The following KMT2A variants were observed in gnomAD, a reference collection of about 807,000 sequenced individuals.
KMT2A encodes the protein lysine methyltransferase 2A, also known as histone-lysine N-methyltransferase 2A.
KMT2A carries 16 observed loss-of-function variants against 345.3 expected under a neutral mutation model. The ratio of observed to expected loss-of-function variants is 0.05; its 90% CI spans 0.03 to 0.07. The LOEUF is 0.07. KMT2A is among the 10% of genes least tolerant of loss of function. KMT2A has a pLI of 1.00. For synonymous variants in KMT2A, 1,599 were observed against 1,778.6 expected, an observed-to-expected ratio of 0.90 and a Z score of 2.54; for missense variants, 3,272 against 4,841.6, an observed-to-expected ratio of 0.68 and a Z score of 9.62.
In KMT2A at chr11:118,498,648, A is replaced by C; in HGVS notation, c.5961+120A>C. On this transcript the variant is annotated intron_variant, in intron 22 of 35. Coordinates refer to ENST00000534358, the MANE Select transcript of KMT2A (RefSeq NM_001197104.2). This position sits in a 1 kb window ranked among gnomAD's most constrained non-coding sequence, Gnocchi z 4.4. ...TCCCATATGCCCCCTGCACCCACAT[A>C]TGCACAGCCTCCCCCATGATCAGCA... 1.1e-6 allele frequency: 1 copy of C among 926,234 alleles called. No homozygotes were observed. The highest frequency in any genetic ancestry group is 1.7e-5 in the African/African-American group (1 of 59,982). 57.4% of individuals were successfully genotyped at this position (926,234 alleles called of 1,614,324 possible). A position where few individuals can be genotyped will look rare whatever the true frequency, so the allele number is the denominator to read the frequency against.
rs1394164693 is a variant in KMT2A, at chr11:118,504,936, T to C, written c.9044T>C (p.Val3015Ala). The change falls in exon 27 of 36, where the codon GTA becomes GCA. Residue 3015 changes from valine (V) to alanine (A), a missense_variant. Val to Ala is a moderately conservative substitution (Grantham distance 64). Coordinates refer to ENST00000534358, the MANE Select transcript of KMT2A (RefSeq NM_001197104.2). The surrounding 1 kb of genome is among the most constrained non-coding windows in gnomAD (Gnocchi z 6.4). ...DHISSPPCGS[V>A]EQGHGNNQDL... ...ATCTCTAGCCCTCCTTGTGGTTCAGTAGAGCAAGGTCATGGCAACAATCAG... is the reference window on the plus strand; with the variant it reads ...ATCTCTAGCCCTCCTTGTGGTTCAGCAGAGCAAGGTCATGGCAACAATCAG... 4 of 1,614,066 alleles carry C rather than the reference T, an allele frequency of 2.5e-6. No individual in the cohort carries two copies. The highest frequency in any genetic ancestry group is 3.4e-6 in the Non-Finnish European group (4 of 1,180,044).
Position 118,508,069 on chromosome 11 carries a change from A to C in KMT2A, c.10835+460A>C, listed in dbSNP as rs114103497. ...CAGGCTTGTAAACAAGTAAACAAAA[A>C]ATATAACAAGAATTATTTAAATAAT... On this transcript the variant is annotated intron_variant, in intron 28 of 35. Coordinates refer to ENST00000534358, the MANE Select transcript of KMT2A (RefSeq NM_001197104.2). 6.8e-3 allele frequency among the ~76,000 whole-genome samples: 1,036 copies of C among 152,386 alleles called. 8 individuals carry two copies. The highest frequency in any genetic ancestry group is 0.024 in the African/African-American group (997 of 41,602).
At position 118,498,981 on chromosome 11, in the gene KMT2A, A is replaced by G. The variant is rs1303145689; in HGVS notation, c.5962-322A>G. 1.3e-5 allele frequency among the ~76,000 whole-genome samples: 2 copies of G among 152,244 alleles called. No individual in the cohort carries two copies. The highest frequency in any genetic ancestry group is 2.4e-5 in the African/African-American group (1 of 41,462). On this transcript the variant is annotated intron_variant, in intron 22 of 35. Coordinates refer to ENST00000534358, the MANE Select transcript of KMT2A (RefSeq NM_001197104.2). The surrounding 1 kb of genome is among the most constrained non-coding windows in gnomAD (Gnocchi z 4.4). ...TTTCACATAGTTGGAATCATATAGT[A>G]CATAGCCTTTTCAGACTGGCTTCTT...
intron 31 of KMT2A, 103 bp downstream of exon 31, chr11:118,512,128 T>G: frequency 1.0e-6 from 1 of 976,180 alleles, no homozygotes; most frequent in Middle Eastern, 2.1e-4. Context: ...GTTAAAAATT[T>G]TTTTCACAGC....
chr11:118,436,584 C>A lies in KMT2A; in HGVS notation c.72C>A (p.Arg24=). 1 of 1,180,326 alleles carries A rather than the reference C, an allele frequency of 8.5e-7. No homozygotes were observed. The highest frequency in any genetic ancestry group is 1.6e-5 in the African/African-American group (1 of 62,280). 73.1% of individuals were successfully genotyped at this position (1,180,326 alleles called of 1,614,324 possible). A position where few individuals can be genotyped will look rare whatever the true frequency, so the allele number is the denominator to read the frequency against. ...CCGGGGGCGGCGGCGGCGGGGGGCG[C>A]CGGGGCCTAGGGGGCGCCCCGCGGC... ...GTTGGGGGGG[R]RGLGGAPRQR... Residue 24 remains arginine, a synonymous_variant, in exon 1 of 36, where the codon CGC becomes CGA. Coordinates refer to ENST00000534358, the MANE Select transcript of KMT2A (RefSeq NM_001197104.2). The surrounding 1 kb of genome is among the most constrained non-coding windows in gnomAD (Gnocchi z 6.9).
At chr11:118,474,759 G>A (rs548180145) in intron 3 of KMT2A, among the ~76,000 whole-genome samples, 4 of 152,152 alleles carry the variant, frequency 2.6e-5, no homozygotes, top group Non-Finnish European at 4.4e-5. Flanking sequence ...ATAGAAAACC[G>A]GAGGGGAGCA....
At chr11:118,501,572 T>G in intron 25 of KMT2A, 100 bp from the exon 26 acceptor site, 1 of 983,630 alleles carries the variant, frequency 1.0e-6, no homozygotes. Context: ...CTCATTTGCT[T>G]CTAGTTTTAC....
chr11:118,460,255 T>C (rs1949720838), intron 1 of KMT2A, among the ~76,000 whole-genome samples: 1 of 152,202 alleles, frequency 6.6e-6, no homozygotes, highest in Non-Finnish European at 1.5e-5. Flanking sequence ...TGAATATTTC[T>C]CCATGAACCA....
rs1555054917 is a variant in KMT2A at position 118,524,724 on chromosome 11, C to T, written c.*2552C>T. 3 of 177,634 alleles carry T rather than the reference C, an allele frequency of 1.7e-5. No individual in the cohort carries two copies. Among genetic ancestry groups the T allele is most frequent in the Non-Finnish European group, 3.6e-5 (3 of 82,988 alleles). 11.0% of individuals were successfully genotyped at this position (177,634 alleles called of 1,614,324 possible). On this transcript the variant is annotated 3_prime_UTR_variant, in exon 36 of 36. Coordinates refer to ENST00000534358, the MANE Select transcript of KMT2A (RefSeq NM_001197104.2). ...TTTTTTTTAAAGAAAAAAAAAAAAC[C>T]TTAAGCTGCATTTGTTACTGAAATG...
chr11:118,502,717 T>C lies in KMT2A; in HGVS notation c.6825T>C (p.Thr2275=), dbSNP rs782526007. ...CAAATTTGCAAAGGACAGTGGTTAC[T>C]GTAGGCAATAAAAACAGTCACTTGG... ...TSSNLQRTVV[T]VGNKNSHLDG... Residue 2275 remains threonine, a synonymous_variant, in exon 27 of 36, where the codon ACT becomes ACC. Transcript: ENST00000534358. This position sits in a 1 kb window ranked among gnomAD's most constrained non-coding sequence, Gnocchi z 4.9. 2 of 1,614,186 alleles carry C rather than the reference T, an allele frequency of 1.2e-6. No homozygotes were observed. Among genetic ancestry groups the C allele is most frequent in the Non-Finnish European group, 1.7e-6 (2 of 1,180,042 alleles).
At position 118,476,975 on chromosome 11, in the gene KMT2A, G is replaced by A; in HGVS notation, c.3327G>A (p.Gly1109=). 1 of 1,614,124 alleles carries A rather than the reference G, an allele frequency of 6.2e-7. No homozygotes were observed. Among genetic ancestry groups the A allele is most frequent in the Non-Finnish European group, 8.5e-7 (1 of 1,180,008 alleles). The part of the protein sequence containing the change: ...EEREKILSSM[G]NDDKSSIAGS... ...GAGAAAAGATTTTGTCTTCCATGGGGAATGATGGTAGGTCAAGAAGGTCAA... is the reference window on the plus strand; with the variant it reads ...GAGAAAAGATTTTGTCTTCCATGGGAAATGATGGTAGGTCAAGAAGGTCAA... The change falls in exon 4 of 36, where the codon GGG becomes GGA. Residue 1109 remains glycine, a synonymous_variant. Transcript: ENST00000534358. This position sits in a 1 kb window ranked among gnomAD's most constrained non-coding sequence, Gnocchi z 4.1.
At chr11:118,453,904 A>C (rs11216872) in intron 1 of KMT2A, among the ~76,000 whole-genome samples, 1 of 152,146 alleles carries the variant, frequency 6.6e-6, no homozygotes, top group African/African-American at 2.4e-5. Flanking sequence ...TTCCATTCCC[A>C]GTCTCTTTGT....
intron 1 of KMT2A, among the ~76,000 whole-genome samples, chr11:118,464,941 A>C (rs1332734211): frequency 6.6e-6 from 1 of 152,238 alleles, no homozygotes; most frequent in African/African-American, 2.4e-5. Context: ...CTTTAGTAGA[A>C]AAATGCCCAG....
rs374626588 is a variant in KMT2A, at chr11:118,503,558, A to C, written c.7666A>C (p.Thr2556Pro). 2 of 1,614,054 alleles carry C rather than the reference A, an allele frequency of 1.2e-6. No homozygotes were observed. The highest frequency in any genetic ancestry group is 2.7e-5 in the African/African-American group (2 of 74,938). Residue 2556 changes from threonine (T) to proline (P), a missense_variant, in exon 27 of 36, where the codon ACA becomes CCA. Physicochemically the swap from Thr to Pro is conservative, Grantham distance 38. Around this residue, in one of 27 missense-constraint regions of KMT2A, gnomAD observed 445 missense variants for 500.9 expected, o/e 0.89. Transcript: ENST00000534358. The surrounding 1 kb of genome is among the most constrained non-coding windows in gnomAD (Gnocchi z 5.3). ...SPASPLQIES[T>P]SPTEPISASE... Reference sequence around the variant, plus strand: ...TGCTTCCCCTTTGCAAATAGAGTCAACATCTCCCACAGAACCAATTTCAGC... The same window carrying C: ...TGCTTCCCCTTTGCAAATAGAGTCACCATCTCCCACAGAACCAATTTCAGC...
chr11:118,512,605 C>G (rs1254472459), intron 31 of KMT2A, among the ~76,000 whole-genome samples: 2 of 152,072 alleles, frequency 1.3e-5, no homozygotes, highest in Non-Finnish European at 2.9e-5. Context: ...TATTCATGTT[C>G]AAGTTATTGT....
chr11:118,485,092 C>A, intron 10 of KMT2A, 117 bp downstream of exon 10: 1 of 692,656 alleles, frequency 1.4e-6, no homozygotes, highest in South Asian at 1.7e-5. Context: ...TTTAAACCAG[C>A]TAAAGAAATG....
chr11:118,479,935 A>G (rs1555038749), intron 5 of KMT2A, among the ~76,000 whole-genome samples: 1 of 152,192 alleles, frequency 6.6e-6, no homozygotes, highest in Non-Finnish European at 1.5e-5. Flanking sequence ...AAGAAATTTG[A>G]GTCCCATTTC....
rs1332560231 is a variant in KMT2A at position 118,507,831 on chromosome 11, C to T, written c.10835+222C>T. 5.2e-5 allele frequency: 22 copies of T among 423,844 alleles called. 1 individual carries two copies. Among genetic ancestry groups the T allele is most frequent in the Middle Eastern group, 7.2e-4 (1 of 1,398 alleles). The allele number at this position is 423,844 out of a possible 1,614,324, so 26.3% of individuals were successfully genotyped here. A position where few individuals can be genotyped will look rare whatever the true frequency, so the allele number is the denominator to read the frequency against. On this transcript the variant is annotated intron_variant, in intron 28 of 35. Coordinates refer to ENST00000534358, the MANE Select transcript of KMT2A (RefSeq NM_001197104.2). Reference sequence around the variant, plus strand: ...AAAAAGAATTAGCCGGGCGTGATGGCGGGCGCCTGTAGTCCCAGCCACTCA... The same window carrying T: ...AAAAAGAATTAGCCGGGCGTGATGGTGGGCGCCTGTAGTCCCAGCCACTCA...
At chr11:118,500,051 T>C (rs1359597887) in intron 24 of KMT2A, 138 bp downstream of exon 24, 4 of 599,102 alleles carry the variant, frequency 6.7e-6, no homozygotes, top group South Asian at 2.1e-5. Flanking sequence ...TTTTGCTAGT[T>C]CTCGGATTCG....
Sources: gnomAD v4.1 joint callset for allele counts (sites outside exome capture counted in the v4.1 genomes callset) on GRCh38, gnomAD v4.1.1 for gene constraint, gnomAD v4.1.1 regional missense constraint, Gnocchi (gnomAD v3.1) non-coding constraint, MANE v1.5 for transcripts, NCBI Gene and HGNC (gene_info 2026-07-23, HGNC 2026-07-21) for gene names.